PDE11A: variants seen among roughly 807,000 people sequenced by gnomAD.
The protein encoded by PDE11A is phosphodiesterase 11A, also known as dual 3',5'-cyclic-AMP and -GMP phosphodiesterase 11A.
Under a neutral mutation model 100.5 loss-of-function variants are expected in PDE11A, and 100 were observed. That is an observed-to-expected ratio of 1.00 (90% confidence interval 0.85 to 1.18). The LOEUF (loss-of-function observed/expected upper bound fraction) is 1.18, where lower values mean the gene tolerates loss of function less well. Among genes scored for constraint, PDE11A ranks in the 50% most tolerant of loss-of-function variants. The pLI is 0.00. For synonymous variants in PDE11A, 381 were observed against 420.8 expected (o/e 0.91, Z 1.16); for missense variants, 1,141 against 1,152.6 (o/e 0.99, Z 0.15).
At chr2:177,638,070 G>A (rs112581036) in intron 19 of PDE11A, among the ~76,000 whole-genome samples, 13,931 of 139,496 alleles carry the variant, frequency 0.1, 870 homozygotes, top group East Asian at 0.19. Flanking sequence ...CGCGATCTCC[G>A]CTCACTGCAA....
At chr2:177,765,193 A>C (rs557232610) in intron 10 of PDE11A, among the ~76,000 whole-genome samples, 1 of 152,346 alleles carries the variant, frequency 6.6e-6, no homozygotes, top group Admixed American at 6.5e-5. Context: ...CTCCCTAACA[A>C]GGCATTCTAG....
chr2:177,936,510 T>G lies in PDE11A; in HGVS notation c.1072-31323A>C, dbSNP rs371841049. On this transcript the variant is annotated intron_variant, in intron 2 of 19. Coordinates refer to ENST00000286063, the MANE Select transcript of PDE11A (RefSeq NM_016953.4). ...CACAGATCTTCCCTAATTGAAAAAA[T>G]GCTGAGAAGAACAGGTCTCTAAAGA... 2.6e-5 allele frequency among the ~76,000 whole-genome samples: 4 copies of G among 152,298 alleles called. No homozygotes were observed. The South Asian group carries it at 8.3e-4, about 32-fold the overall frequency.
At position 177,708,926 on chromosome 2, in the gene PDE11A, T is replaced by C. The variant is rs2081319282; in HGVS notation, c.2153+2843A>G. On this transcript the variant is annotated intron_variant, in intron 13 of 19. Transcript: ENST00000286063. ...GGGCATAGGAAATTGACCATGGGGGTACATTAGGGTGGATAGAAACACGAA... is the reference window on the plus strand; with the variant it reads ...GGGCATAGGAAATTGACCATGGGGGCACATTAGGGTGGATAGAAACACGAA... 1.3e-5 allele frequency among the ~76,000 whole-genome samples: 2 copies of C among 151,966 alleles called. 1 individual carries two copies. The highest frequency in any genetic ancestry group is 4.2e-4 in the South Asian group (2 of 4,810).
intron 1 of PDE11A, among the ~76,000 whole-genome samples, chr2:178,028,192 G>A (rs979006275): frequency 1.3e-5 from 2 of 151,630 alleles, no homozygotes; most frequent in African/African-American, 2.4e-5. Context: ...TCCATTCCCA[G>A]GCCAGGCTCT....
intron 4 of PDE11A, among the ~76,000 whole-genome samples, chr2:177,896,527 T>G (rs1375680438): frequency 6.6e-6 from 1 of 152,152 alleles, no homozygotes; most frequent in Admixed American, 6.5e-5. Context: ...TGGTTCAGGT[T>G]ATCCTGGCAG....
At chr2:177,724,984 T>C (rs891386411) in intron 12 of PDE11A, among the ~76,000 whole-genome samples, 13 of 152,010 alleles carry the variant, frequency 8.6e-5, no homozygotes, top group African/African-American at 3.1e-4. Context: ...CCCAGATTAA[T>C]AGAGAATTTT....
chr2:178,086,728 G>A (rs2087361088), intron 2 of PDE11A, among the ~76,000 whole-genome samples: 1 of 152,202 alleles, frequency 6.6e-6, no homozygotes, highest in African/African-American at 2.4e-5. Flanking sequence ...ATGTGAGGAA[G>A]TGGTTGGATA....
At chr2:178,044,887 T>C (rs1156794023) in intron 1 of PDE11A, among the ~76,000 whole-genome samples, 2 of 152,178 alleles carry the variant, frequency 1.3e-5, no homozygotes, top group East Asian at 3.8e-4. Context: ...ACTCCACTTA[T>C]TATTTTTGAT....
intron 7 of PDE11A, 66 bp downstream of exon 7, chr2:177,820,154 G>C: frequency 1.2e-6 from 1 of 857,584 alleles, no homozygotes; most frequent in South Asian, 1.4e-5. Context: ...AAAAGATATG[G>C]GAATATTTTA....
At chr2:177,669,455 A>G (rs371271956) in intron 18 of PDE11A, 38 bp downstream of exon 18, 3 of 857,552 alleles carry the variant, frequency 3.5e-6, no homozygotes, top group African/African-American at 3.3e-5. Context: ...AATGTCATTC[A>G]AAAGGGTAAA....
chr2:177,729,497 C>T (rs1335689412), intron 10 of PDE11A, among the ~76,000 whole-genome samples: 1 of 152,092 alleles, frequency 6.6e-6, no homozygotes, highest in Admixed American at 6.6e-5. Context: ...TTTGGTGAGA[C>T]ACATCCTCTA....
At chr2:177,986,072 C>T (rs910132248) in intron 2 of PDE11A, among the ~76,000 whole-genome samples, 10 of 152,164 alleles carry the variant, frequency 6.6e-5, no homozygotes, top group Admixed American at 4.6e-4. Flanking sequence ...ATTAACCCCA[C>T]CCTGTTGTAT....
Position 178,084,727 on chromosome 2 carries a change from G to A in PDE11A, c.162+19575C>T, listed in dbSNP as rs117329036. Among the ~76,000 whole-genome samples the A allele has an allele frequency of 5.3e-5, 8 of 151,082 alleles. No individual in the cohort carries two copies. The East Asian group carries it at 5.8e-4, about 11-fold the overall frequency. On this transcript the variant is annotated intron_variant, in intron 2 of 20. Coordinates refer to the PDE11A transcript ENST00000358450. ...TGAAAATACAAGCAAAAAGAAATGC[G>A]TATACATGTTTATGGTAGACAGCTT...
chr2:177,789,268 A>G (rs2082591442), intron 9 of PDE11A, among the ~76,000 whole-genome samples: 1 of 152,164 alleles, frequency 6.6e-6, no homozygotes, highest in Non-Finnish European at 1.5e-5. Flanking sequence ...CAGCATATAA[A>G]CAGAACCAAA....
chr2:177,936,763 G>A (rs997257626), intron 2 of PDE11A, among the ~76,000 whole-genome samples: 2 of 151,944 alleles, frequency 1.3e-5, no homozygotes, highest in African/African-American at 2.4e-5. Context: ...TCTACTAAAA[G>A]TACAAAAATT....
At chr2:178,020,924 GGTGTGTGTGTGT>G (rs532087273) in intron 1 of PDE11A, among the ~76,000 whole-genome samples, 6,579 of 125,754 alleles carry the variant, frequency 0.052, 449 homozygotes, top group African/African-American at 0.16. Flanking sequence ...TTTTTGTCTT[GGTGTGTGTGTGT>G]GTGTGTGTGT....
At position 177,819,985 on chromosome 2, in the gene PDE11A, T is replaced by C. The variant is rs1022055123; in HGVS notation, c.1576+235A>G. Among the ~76,000 whole-genome samples, 55 of 151,626 alleles carry C rather than the reference T, an allele frequency of 3.6e-4. 1 individual carries two copies. Among genetic ancestry groups the C allele is most frequent in the African/African-American group, 1.2e-3 (50 of 41,260 alleles). On this transcript the variant is annotated intron_variant, in intron 7 of 19. Transcript: ENST00000286063. ...GAGTTCTATTGGTTGATAACTCAGA[T>C]TCTCTACGACTTTAAAATTTATTGG...
At chr2:177,638,637 T>C (rs1190668933) in intron 19 of PDE11A, among the ~76,000 whole-genome samples, 1 of 152,276 alleles carries the variant, frequency 6.6e-6, no homozygotes, top group Admixed American at 6.5e-5. Flanking sequence ...AGTTTTGTTC[T>C]GGAATATAGT....
chr2:177,843,244 A>T (rs1197068406), intron 5 of PDE11A, among the ~76,000 whole-genome samples: 1 of 152,172 alleles, frequency 6.6e-6, no homozygotes, highest in East Asian at 1.9e-4. Context: ...CCAAGTGGAG[A>T]TAGAATTTTC....
Sources: gnomAD v4.1 joint callset for allele counts (sites outside exome capture counted in the v4.1 genomes callset) on GRCh38, gnomAD v4.1.1 for gene constraint, MANE v1.5 for transcripts, NCBI Gene and HGNC (gene_info 2026-07-23, HGNC 2026-07-21) for gene names.